AFAP1: variants seen among roughly 807,000 people sequenced by gnomAD.
The protein encoded by AFAP1 is actin filament associated protein 1, also known as actin filament-associated protein 1.
AFAP1 carries 75 observed loss-of-function variants against 93.9 expected under a neutral mutation model. That is an observed-to-expected ratio of 0.80 (90% CI 0.66 to 0.97). The LOEUF (loss-of-function observed/expected upper bound fraction) is 0.97. Ranked by LOEUF, AFAP1 falls within the 50% of genes least tolerant of loss-of-function variation. The pLI is 0.00. For synonymous variants in AFAP1, 517 were observed against 430.7 expected (o/e 1.20, Z -2.48); for missense variants, 1,201 against 1,050.8 (o/e 1.14, Z -1.98).
At chr4:7,798,976 T>G in intron 10 of AFAP1, 1 of 986,574 alleles carries the variant, frequency 1.0e-6, no homozygotes, top group Non-Finnish European at 1.2e-6. Context: ...AGACCCGCAT[T>G]GTTACATCAA....
Position 7,874,356 on chromosome 4 carries a change from C to CTTTTT in AFAP1, c.-2-2281_-2-2277dup, listed in dbSNP as rs869214535. On this transcript the variant is annotated intron_variant, in intron 1 of 17. Transcript: ENST00000420658. Reference sequence around the variant, plus strand: ...CTGTGGGAGGTCAGATTGCCTTTTTCTTTTTTTTTTTTTTTTTTTTTTTTT... The same window carrying CTTTTT: ...CTGTGGGAGGTCAGATTGCCTTTTTCTTTTTTTTTTTTTTTTTTTTTTTTTTTTTT... Among the ~76,000 whole-genome samples the CTTTTT allele has an allele frequency of 6.8e-4, 63 of 92,412 alleles. 3 individuals carry two copies. The highest frequency in any genetic ancestry group is 2.2e-3 in the African/African-American group (47 of 21,226). The allele number at this position is 92,412 out of a possible 152,430, so 60.6% of individuals were successfully genotyped here. A position where few individuals can be genotyped will look rare whatever the true frequency, so the allele number is the denominator to read the frequency against.
intron 17 of AFAP1, among the ~76,000 whole-genome samples, chr4:7,767,334 G>A (rs1714748804): frequency 6.6e-6 from 1 of 152,176 alleles, no homozygotes; most frequent in African/African-American, 2.4e-5. Flanking sequence ...ACGGTGATGG[G>A]AGCCCTTTTG....
intron 5 of AFAP1, among the ~76,000 whole-genome samples, chr4:7,839,800 A>G (rs879598120): frequency 2.6e-5 from 4 of 152,218 alleles, no homozygotes; most frequent in Non-Finnish European, 5.9e-5. Context: ...GGGCCAAAGC[A>G]TACCTCCTAA....
intron 11 of AFAP1, among the ~76,000 whole-genome samples, chr4:7,793,138 G>A (rs1718034293): frequency 6.6e-6 from 1 of 151,336 alleles, no homozygotes; most frequent in South Asian, 2.1e-4. Flanking sequence ...TGTTCAAAAG[G>A]ACGTTTTTAT....
chr4:7,818,316 T>C (rs1299135871), intron 7 of AFAP1, among the ~76,000 whole-genome samples: 2 of 152,180 alleles, frequency 1.3e-5, no homozygotes, highest in Non-Finnish European at 2.9e-5. Flanking sequence ...TGTGAACCAA[T>C]GCCTTCTAAG....
At chr4:7,918,256 G>C (rs971219606) in intron 1 of AFAP1, among the ~76,000 whole-genome samples, 1 of 148,822 alleles carries the variant, frequency 6.7e-6, no homozygotes, top group African/African-American at 2.5e-5. Context: ...CAGGAAACAG[G>C]GCTGCCAGAT....
chr4:7,898,787 C>T (rs1478901084), intron 1 of AFAP1, among the ~76,000 whole-genome samples: 1 of 139,800 alleles, frequency 7.2e-6, no homozygotes, highest in South Asian at 2.3e-4. Flanking sequence ...CTAGTTTTGT[C>T]TTTCTGTGCT....
intron 8 of AFAP1, among the ~76,000 whole-genome samples, chr4:7,815,591 C>T (rs1280339311): frequency 6.6e-6 from 1 of 152,142 alleles, no homozygotes; most frequent in Non-Finnish European, 1.5e-5. Flanking sequence ...TGGGGCTCAG[C>T]AAAGGCAGAG....
chr4:7,922,644 G>A (rs576920860), intron 1 of AFAP1, among the ~76,000 whole-genome samples: 4 of 152,316 alleles, frequency 2.6e-5, no homozygotes, highest in East Asian at 1.9e-4. Context: ...CCCAGATCAT[G>A]AGCCTTGAAT....
intron 14 of AFAP1, chr4:7,777,823 G>C (rs1413497065): frequency 6.6e-6 from 1 of 152,194 alleles, no homozygotes; most frequent in Non-Finnish European, 1.5e-5. Flanking sequence ...CCTGCCACTT[G>C]CTTGTCTGCA....
At chr4:7,797,034 T>C (rs1351772954) in intron 10 of AFAP1, among the ~76,000 whole-genome samples, 1 of 150,788 alleles carries the variant, frequency 6.6e-6, no homozygotes. Context: ...CACTCCAGCC[T>C]GGATGACAGA....
intron 4 of AFAP1, among the ~76,000 whole-genome samples, chr4:7,850,652 C>T (rs1040259233): frequency 6.6e-6 from 1 of 152,236 alleles, no homozygotes; most frequent in East Asian, 1.9e-4. Flanking sequence ...GAGGCCAGCA[C>T]AGGGCGCCAG....
At chr4:7,810,922 G>A (rs186194088) in intron 8 of AFAP1, among the ~76,000 whole-genome samples, 151 of 152,332 alleles carry the variant, frequency 9.9e-4, no homozygotes, top group African/African-American at 3.4e-3. Context: ...CTCCACTGCC[G>A]AGGGCTCTGT....
intron 12 of AFAP1, among the ~76,000 whole-genome samples, chr4:7,784,352 C>T (rs979969730): frequency 2.0e-5 from 3 of 152,144 alleles, no homozygotes; most frequent in African/African-American, 4.8e-5. Context: ...CCCTGCCCTG[C>T]CCAGGGCCCA....
chr4:7,905,237 G>T (rs1234051724), intron 1 of AFAP1, among the ~76,000 whole-genome samples: 3 of 152,212 alleles, frequency 2.0e-5, no homozygotes, highest in Non-Finnish European at 4.4e-5. Context: ...AATCAAGCGT[G>T]CCTCTCTCCC....
intron 8 of AFAP1, among the ~76,000 whole-genome samples, chr4:7,810,861 C>CAGCT (rs138204955): frequency 0.012 from 1,771 of 152,328 alleles, 26 homozygotes; most frequent in African/African-American, 0.04. Context: ...GGCCCAGAGT[C>CAGCT]AGCTGCCAGC....
At chr4:7,914,468 C>T (rs1345002923) in intron 1 of AFAP1, among the ~76,000 whole-genome samples, 3 of 152,184 alleles carry the variant, frequency 2.0e-5, no homozygotes, top group Admixed American at 1.3e-4. Context: ...CTGAGAATAA[C>T]AGGACTTCAT....
intron 6 of AFAP1, among the ~76,000 whole-genome samples, chr4:7,826,658 G>A (rs890439232): frequency 2.0e-5 from 3 of 152,362 alleles, no homozygotes; most frequent in Middle Eastern, 3.4e-3. Context: ...CCATGCCAAC[G>A]ACAGGAAACT....
At position 7,778,745 on chromosome 4, in the gene AFAP1, T is replaced by A; in HGVS notation, c.1897+17A>T. ...GCACTTGAAGCCGGAATGCAAGACA[T>A]CCGATGGTATACTTACTCGAACCCG... On this transcript the variant is annotated intron_variant, in intron 14 of 17. Coordinates refer to ENST00000420658, the MANE Select transcript of AFAP1 (RefSeq NM_001134647.2). 1 of 1,609,394 alleles carries A rather than the reference T, an allele frequency of 6.2e-7. No homozygotes were observed. The highest frequency in any genetic ancestry group is 1.1e-5 in the South Asian group (1 of 90,998).
Sources: allele counts gnomAD v4.1 joint callset (sites outside exome capture counted in the v4.1 genomes callset), GRCh38; gene constraint gnomAD v4.1.1; transcripts MANE v1.5; gene names NCBI Gene and HGNC (gene_info 2026-07-23, HGNC 2026-07-21).